CYRIA: variants seen among roughly 807,000 people sequenced by gnomAD.
The protein encoded by CYRIA is CYFIP related Rac1 interactor A, also known as CYFIP-related Rac1 interactor A.
A neutral mutation model predicts 43.9 loss-of-function variants in CYRIA; 15 were observed. The observed-to-expected ratio is 0.34, with a 90% confidence interval of 0.23 to 0.53. The LOEUF is 0.53. CYRIA is among the 20% of genes least tolerant of loss of function. CYRIA has a pLI of 0.94. For missense variants in CYRIA, 236 were observed against 394.2 expected, an observed-to-expected ratio of 0.60 and a Z score of 3.40; for synonymous variants, 117 against 136.0, an observed-to-expected ratio of 0.86 and a Z score of 0.97.
intron 2 of CYRIA, among the ~76,000 whole-genome samples, chr2:16,609,810 A>G (rs543742309): frequency 1.3e-5 from 2 of 152,018 alleles, no homozygotes; most frequent in African/African-American, 2.4e-5. Flanking sequence ...TCCATATTAC[A>G]GGGGAAAAGA....
At chr2:16,589,366 T>C (rs1667841751) in intron 2 of CYRIA, among the ~76,000 whole-genome samples, 1 of 152,130 alleles carries the variant, frequency 6.6e-6, no homozygotes, top group South Asian at 2.1e-4. Context: ...CGCATGAGAA[T>C]ATGTAGCAAG....
intron 1 of CYRIA, among the ~76,000 whole-genome samples, chr2:16,630,389 G>C (rs1669292102): frequency 6.6e-6 from 1 of 152,148 alleles, no homozygotes. Flanking sequence ...GAAGGCAATT[G>C]CAAGTGGCAA....
chr2:16,628,482 CA>C (rs1669230904), intron 1 of CYRIA, among the ~76,000 whole-genome samples: 1 of 152,198 alleles, frequency 6.6e-6, no homozygotes, highest in Admixed American at 6.5e-5. Flanking sequence ...TGTCAGAGCA[CA>C]TGGGCACAGG....
chr2:16,624,966 A>G (rs1452702157), intron 1 of CYRIA, among the ~76,000 whole-genome samples: 6 of 152,238 alleles, frequency 3.9e-5, no homozygotes, highest in Non-Finnish European at 8.8e-5. Context: ...AAGCAGAAAT[A>G]AACTCATGTC....
chr2:16,631,209 C>A (rs1168229086), intron 1 of CYRIA, among the ~76,000 whole-genome samples: 1 of 152,238 alleles, frequency 6.6e-6, no homozygotes, highest in Non-Finnish European at 1.5e-5. Flanking sequence ...TTATCTCCAC[C>A]ATTGAGTGGA....
intron 2 of CYRIA, among the ~76,000 whole-genome samples, chr2:16,591,889 C>T (rs927296243): frequency 6.6e-6 from 1 of 152,058 alleles, no homozygotes; most frequent in African/African-American, 2.4e-5. Flanking sequence ...CACACATGTA[C>T]ATGCACACAC....
chr2:16,664,983 A>AG (rs1670352285), intron 1 of CYRIA, among the ~76,000 whole-genome samples: 1 of 152,102 alleles, frequency 6.6e-6, no homozygotes, highest in African/African-American at 2.4e-5. Context: ...ATAGCTTTGG[A>AG]GGCCTTAAAT....
intron 4 of CYRIA, among the ~76,000 whole-genome samples, 180 bp from the exon 5 acceptor site, chr2:16,564,274 CTT>C (rs1666850432): frequency 6.6e-6 from 1 of 152,150 alleles, no homozygotes; most frequent in African/African-American, 2.4e-5. Context: ...AATTTTAACA[CTT>C]GAACATACAG....
At chr2:16,655,948 C>G (rs1670099986) in intron 1 of CYRIA, among the ~76,000 whole-genome samples, 1 of 152,106 alleles carries the variant, frequency 6.6e-6, no homozygotes, top group Non-Finnish European at 1.5e-5. Flanking sequence ...CAGTTGCTTT[C>G]TGCCAGTTAA....
At chr2:16,636,805 AAT>A (rs1669509895) in intron 1 of CYRIA, among the ~76,000 whole-genome samples, 1 of 137,156 alleles carries the variant, frequency 7.3e-6, no homozygotes, top group African/African-American at 3.2e-5. Flanking sequence ...CAAAAAAAAA[AAT>A]AAGAAAGAAA....
At chr2:16,608,595 G>A (rs1170863986) in intron 2 of CYRIA, among the ~76,000 whole-genome samples, 7 of 152,214 alleles carry the variant, frequency 4.6e-5, no homozygotes, top group Non-Finnish European at 1.0e-4. Context: ...AGAGTCATTG[G>A]ACTCTTTTGA....
intron 3 of CYRIA, among the ~76,000 whole-genome samples, chr2:16,580,808 T>A (rs1667525147): frequency 6.6e-6 from 1 of 151,976 alleles, no homozygotes; most frequent in South Asian, 2.1e-4. Context: ...AAACAGAGAG[T>A]CCTGAAGTAG....
chr2:16,626,467 C>T (rs1164974860), intron 1 of CYRIA, among the ~76,000 whole-genome samples: 2 of 152,234 alleles, frequency 1.3e-5, no homozygotes, highest in East Asian at 1.9e-4. Flanking sequence ...CCTTCTCCCA[C>T]CTTACAGATG....
chr2:16,640,407 C>T (rs529046209), intron 1 of CYRIA, among the ~76,000 whole-genome samples: 1 of 152,336 alleles, frequency 6.6e-6, no homozygotes, highest in Non-Finnish European at 1.5e-5. Context: ...CCTGCCATGC[C>T]CCAGCTGGCC....
At chr2:16,601,650 C>T (rs1668210017) in intron 2 of CYRIA, among the ~76,000 whole-genome samples, 1 of 148,714 alleles carries the variant, frequency 6.7e-6, no homozygotes, top group South Asian at 2.1e-4. Context: ...GGCTTTAAGG[C>T]TATTCAGTGG....
intron 2 of CYRIA, among the ~76,000 whole-genome samples, chr2:16,605,403 G>A (rs1036028185): frequency 4.6e-5 from 7 of 152,242 alleles, no homozygotes; most frequent in African/African-American, 1.2e-4. Flanking sequence ...CCAGGCCACC[G>A]CTGGGAAGTC....
intron 3 of CYRIA, among the ~76,000 whole-genome samples, chr2:16,575,872 A>AAATAAC (rs2103436697): frequency 7.2e-6 from 1 of 139,852 alleles, no homozygotes; most frequent in African/African-American, 2.7e-5. Flanking sequence ...ATAAAAATAA[A>AAATAAC]TAAATAAAAT....
At chr2:16,576,222 G>T (rs185207962) in intron 3 of CYRIA, among the ~76,000 whole-genome samples, 37 of 152,268 alleles carry the variant, frequency 2.4e-4, no homozygotes, top group African/African-American at 8.4e-4. Flanking sequence ...GATTCAGAAA[G>T]CATTTATTGG....
At chr2:16,636,535 C>G (rs1283278692) in intron 1 of CYRIA, among the ~76,000 whole-genome samples, 3 of 152,098 alleles carry the variant, frequency 2.0e-5, no homozygotes, top group African/African-American at 4.8e-5. Flanking sequence ...TGCCCCAGGC[C>G]CGGTCCCGAG....
Sources: gnomAD v4.1 joint callset for allele counts (sites outside exome capture counted in the v4.1 genomes callset) on GRCh38, gnomAD v4.1.1 for gene constraint, MANE v1.5 for transcripts, NCBI Gene and HGNC (gene_info 2026-07-23, HGNC 2026-07-21) for gene names.